The following PRICKLE1 variants were observed in gnomAD, a reference collection of about 807,000 sequenced individuals.
PRICKLE1 encodes the protein prickle planar cell polarity protein 1.
PRICKLE1 carries 14 observed loss-of-function variants against 70.2 expected under a neutral mutation model. The observed-to-expected ratio is 0.20, with a 90% CI of 0.13 to 0.31. PRICKLE1 has a LOEUF of 0.31. Ranked by LOEUF, PRICKLE1 falls within the 10% of genes least tolerant of loss-of-function variation. The probability of loss-of-function intolerance (pLI) is 1.00; values close to 1 mark genes in which losing one functional copy is unlikely to be tolerated. For synonymous variants in PRICKLE1, 357 were observed against 379.9 expected (o/e 0.94, Z 0.70); for missense variants, 821 against 1,026.2 (o/e 0.80, Z 2.73).
chr12:42,471,113 T>C (rs1440636043), intron 2 of PRICKLE1, among the ~76,000 whole-genome samples: 1 of 152,210 alleles, frequency 6.6e-6, no homozygotes, highest in Admixed American at 6.5e-5. Context: ...CTAAATGTTG[T>C]AAACTCTTCT....
intron 1 of PRICKLE1, among the ~76,000 whole-genome samples, chr12:42,578,744 T>TTTAC (rs1940845856): frequency 3.6e-5 from 1 of 28,048 alleles, no homozygotes; most frequent in African/African-American, 8.9e-5. Flanking sequence ...TTTATTTCAT[T>TTTAC]TTATTTATTT....
chr12:42,477,091 G>A lies in PRICKLE1; in HGVS notation c.-48-4527C>T, dbSNP rs979685068. ...GTTACACTAAAAATTATAAAGACGTGGCCAGGCGCAGTAGCTCACGCATGT... is the reference window on the plus strand; with the variant it reads ...GTTACACTAAAAATTATAAAGACGTAGCCAGGCGCAGTAGCTCACGCATGT... On this transcript the variant is annotated intron_variant, in intron 1 of 7. Transcript: ENST00000345127. 2.6e-5 allele frequency among the ~76,000 whole-genome samples: 4 copies of A among 152,078 alleles called. No individual in the cohort carries two copies. In the East Asian group the frequency reaches 5.8e-4, roughly 22 times the overall value.
intron 1 of PRICKLE1, among the ~76,000 whole-genome samples, chr12:42,473,078 C>A (rs566138228): frequency 2.6e-5 from 4 of 152,322 alleles, no homozygotes; most frequent in African/African-American, 7.2e-5. Flanking sequence ...CTCAGCCAAA[C>A]TGCTTAGGTT....
chr12:42,586,489 T>C (rs1207685514), intron 1 of PRICKLE1, among the ~76,000 whole-genome samples: 2 of 152,078 alleles, frequency 1.3e-5, no homozygotes. Flanking sequence ...GCTGGGGCTA[T>C]AGAGCCAAGC....
At chr12:42,587,167 A>G (rs1238947747) in intron 1 of PRICKLE1, among the ~76,000 whole-genome samples, 7 of 152,250 alleles carry the variant, frequency 4.6e-5, no homozygotes, top group Admixed American at 4.6e-4. Context: ...AGTAAAATAT[A>G]TCATTTTTCT....
chr12:42,573,995 G>A (rs1358047074), intron 1 of PRICKLE1, among the ~76,000 whole-genome samples: 2 of 152,140 alleles, frequency 1.3e-5, no homozygotes, highest in Non-Finnish European at 2.9e-5. Flanking sequence ...TCTCCTGTCT[G>A]TGGTTTTCAA....
intron 1 of PRICKLE1, among the ~76,000 whole-genome samples, chr12:42,529,920 T>C (rs1313996121): frequency 3.4e-5 from 5 of 149,004 alleles, no homozygotes; most frequent in Non-Finnish European, 7.4e-5. Flanking sequence ...AATTTTCTTT[T>C]CTCTTTTCCT....
At chr12:42,584,476 CT>C (rs1403108636) in intron 1 of PRICKLE1, 2 of 151,990 alleles carry the variant, frequency 1.3e-5, no homozygotes, top group Non-Finnish European at 2.9e-5. Context: ...AAGAAAATGG[CT>C]ATCCTAGAAA....
At chr12:42,559,588 ATGTGTG>A (rs201385279) in intron 1 of PRICKLE1, among the ~76,000 whole-genome samples, 2 of 128,998 alleles carry the variant, frequency 1.6e-5, no homozygotes, top group African/African-American at 5.5e-5. Context: ...GTGTGTGTTT[ATGTGTG>A]TGTGTGTGTG....
rs1369470132 is a variant in PRICKLE1, at chr12:42,459,354, C to T, written c.*455G>A. ...CAAGCTGGCCTCACAATAAGATGCA[C>T]AGTGTTAGCTAGGTCATCGTGACAG... On this transcript the variant is annotated 3_prime_UTR_variant, in exon 8 of 8. Coordinates refer to ENST00000345127, the MANE Select transcript of PRICKLE1 (RefSeq NM_153026.3). The T allele has an allele frequency of 1.4e-6, 1 of 702,200 alleles. No homozygotes were observed. Among genetic ancestry groups the T allele is most frequent in the African/African-American group, 1.7e-5 (1 of 57,150 alleles). 43.5% of individuals were successfully genotyped at this position (702,200 alleles called of 1,614,324 possible). A position where few individuals can be genotyped will look rare whatever the true frequency, so the allele number is the denominator to read the frequency against.
In PRICKLE1 at chr12:42,464,463, A is replaced by G; in HGVS notation, c.1571T>C (p.Leu524Pro). 1 of 1,614,074 alleles carries G rather than the reference A, an allele frequency of 6.2e-7. No individual in the cohort carries two copies. Among genetic ancestry groups the G allele is most frequent in the Non-Finnish European group, 8.5e-7 (1 of 1,180,024 alleles). ...ACTTTGCTCTGGTTTCAGGTCTGAC[A>G]GACACTCCAGGGAATCTTCATACCA... ...TQWYEDSLEC[L>P]SDLKPEQSVR... is the part of the protein sequence containing the mutation. Residue 524 changes from leucine (L) to proline (P), a missense_variant, in exon 7 of 8, where the codon CTG (leucine) becomes CCG (proline). By Grantham distance (98) the Leu-to-Pro change is moderately conservative. Transcript: ENST00000345127. The surrounding 1 kb of genome is among the most constrained non-coding windows in gnomAD (Gnocchi z 4.2).
chr12:42,581,701 C>A (rs1290443244), intron 1 of PRICKLE1, among the ~76,000 whole-genome samples: 1 of 150,146 alleles, frequency 6.7e-6, no homozygotes, highest in Non-Finnish European at 1.5e-5. Context: ...GAGCCAAGAT[C>A]ATGCCACTGC....
chr12:42,581,348 C>A (rs1300621405), intron 1 of PRICKLE1, among the ~76,000 whole-genome samples: 1 of 151,748 alleles, frequency 6.6e-6, no homozygotes, highest in Non-Finnish European at 1.5e-5. Context: ...TAAAAAAAAA[C>A]TGGCTTTTTC....
intron 2 of PRICKLE1, among the ~76,000 whole-genome samples, chr12:42,470,734 T>C (rs1489194548): frequency 6.6e-6 from 1 of 152,048 alleles, no homozygotes; most frequent in African/African-American, 2.4e-5. Context: ...GGTGAAACCC[T>C]GTCTCTACTA....
intron 1 of PRICKLE1, 58 bp from the exon 2 acceptor site, chr12:42,472,622 C>A: frequency 7.0e-7 from 1 of 1,422,418 alleles, no homozygotes; most frequent in Non-Finnish European, 9.8e-7. Context: ...TTTCTCTTAC[C>A]CCCGACCCAG....
At chr12:42,573,805 G>A (rs1051685264) in intron 1 of PRICKLE1, among the ~76,000 whole-genome samples, 5 of 152,088 alleles carry the variant, frequency 3.3e-5, no homozygotes, top group African/African-American at 1.2e-4. Context: ...AAAATGGTAG[G>A]ATTAAAAGGC....
At position 42,500,159 on chromosome 12, in the gene PRICKLE1, C is replaced by T. The variant is rs145985377; in HGVS notation, c.-48-27595G>A. Among the ~76,000 whole-genome samples, 26 of 152,274 alleles carry T rather than the reference C, an allele frequency of 1.7e-4. 1 individual carries two copies. In the East Asian group the frequency reaches 3.7e-3, roughly 21 times the overall value. On this transcript the variant is annotated intron_variant, in intron 1 of 7. Transcript: ENST00000345127. Reference sequence around the variant, plus strand: ...CAATATTTTGGCTTTGCTGGCCTTTCGGACCAAAGAGTTATACAGCACAAA... The same window carrying T: ...CAATATTTTGGCTTTGCTGGCCTTTTGGACCAAAGAGTTATACAGCACAAA...
intron 1 of PRICKLE1, among the ~76,000 whole-genome samples, chr12:42,554,758 T>C (rs960542582): frequency 1.3e-5 from 2 of 152,190 alleles, no homozygotes; most frequent in Non-Finnish European, 2.9e-5. Flanking sequence ...GTGAAGGTTA[T>C]AAAACACAGA....
chr12:42,525,398 G>A (rs1259605927), intron 1 of PRICKLE1, among the ~76,000 whole-genome samples: 7 of 152,170 alleles, frequency 4.6e-5, no homozygotes, highest in Admixed American at 1.3e-4. Flanking sequence ...GGAGAGGGTC[G>A]AGGGAACCCC....
Sources: allele counts gnomAD v4.1 joint callset (sites outside exome capture counted in the v4.1 genomes callset), GRCh38; gene constraint gnomAD v4.1.1; non-coding constraint Gnocchi (gnomAD v3.1); transcripts MANE v1.5; gene names NCBI Gene and HGNC (gene_info 2026-07-23, HGNC 2026-07-21).